The following SVIL variants were observed in gnomAD, a reference collection of about 807,000 sequenced individuals.
SVIL encodes archvillin.
Under a neutral mutation model 240.4 loss-of-function variants are expected in SVIL, and 101 were observed. That is an observed-to-expected ratio of 0.42 (90% CI 0.36 to 0.50). SVIL has a LOEUF of 0.50. Among genes scored for constraint, SVIL ranks in the 20% least tolerant of loss-of-function variants. SVIL has a pLI of 0.01. For missense variants in SVIL, 2,512 were observed against 2,818.7 expected (o/e 0.89, Z 2.46); for synonymous variants, 999 against 1,100.0 (o/e 0.91, Z 1.82).
At chr10:29,591,148 C>T (rs796468782) in intron 1 of SVIL, among the ~76,000 whole-genome samples, 1 of 152,174 alleles carries the variant, frequency 6.6e-6, no homozygotes, top group African/African-American at 2.4e-5. Flanking sequence ...ATGTTTCACA[C>T]ACTTATTGGC....
At chr10:29,538,597 C>T (rs1373736521) in intron 6 of SVIL, among the ~76,000 whole-genome samples, 2 of 152,190 alleles carry the variant, frequency 1.3e-5, no homozygotes, top group Admixed American at 1.3e-4. Context: ...AGTGAGCCGC[C>T]GCTCCCAGAT....
chr10:29,474,524 G>GT (rs908852525), intron 29 of SVIL, among the ~76,000 whole-genome samples: 7 of 152,010 alleles, frequency 4.6e-5, no homozygotes, highest in Non-Finnish European at 1.0e-4. Context: ...GAGCCCAGGA[G>GT]TTTGAGACCG....
chr10:29,716,605 A>G (rs7101204), intron 1 of SVIL, among the ~76,000 whole-genome samples: 29,486 of 152,170 alleles, frequency 0.19, 3,560 homozygotes, highest in African/African-American at 0.35. Flanking sequence ...CAAAAACATA[A>G]TGAATTTGAT....
rs935855865 is a variant in SVIL at position 29,537,477 on chromosome 10, C to T, written c.828-1408G>A. On this transcript the variant is annotated intron_variant, in intron 6 of 37. Coordinates refer to ENST00000355867, the MANE Select transcript of SVIL (RefSeq NM_021738.3). ...GAGAAACATCATGGGTAAGGACAACCTTGTTTTAACAACATAAAGCAAGTC... is the reference window on the plus strand; with the variant it reads ...GAGAAACATCATGGGTAAGGACAACTTTGTTTTAACAACATAAAGCAAGTC... 3.9e-5 allele frequency among the ~76,000 whole-genome samples: 6 copies of T among 152,154 alleles called. No homozygotes were observed. In the East Asian group the frequency reaches 1.2e-3, roughly 29 times the overall value.
At chr10:29,564,441 G>A (rs1954790470) in intron 2 of SVIL, among the ~76,000 whole-genome samples, 1 of 152,136 alleles carries the variant, frequency 6.6e-6, no homozygotes, top group Non-Finnish European at 1.5e-5. Context: ...CAAACCTGTG[G>A]AAAGAGGGAA....
chr10:29,504,217 G>A (rs1331379045), intron 17 of SVIL, among the ~76,000 whole-genome samples: 3 of 152,086 alleles, frequency 2.0e-5, no homozygotes, highest in Admixed American at 6.5e-5. Flanking sequence ...AAGCCTAACT[G>A]TAAAAATTAA....
chr10:29,620,296 A>T (rs1957582768), intron 1 of SVIL, among the ~76,000 whole-genome samples: 1 of 152,034 alleles, frequency 6.6e-6, no homozygotes, highest in Non-Finnish European at 1.5e-5. Context: ...GGAGAGGAAA[A>T]GAGAAGGAAA....
intron 1 of SVIL, among the ~76,000 whole-genome samples, chr10:29,578,322 G>T (rs1955792217): frequency 6.6e-6 from 1 of 152,182 alleles, no homozygotes; most frequent in African/African-American, 2.4e-5. Context: ...AAATGAAGAT[G>T]AAGGCAATAA....
intron 3 of SVIL, among the ~76,000 whole-genome samples, chr10:29,647,663 T>C (rs2505916): frequency 0.25 from 36,866 of 148,472 alleles, 4,625 homozygotes; most frequent in East Asian, 0.3. Context: ...GTAGAGACAG[T>C]GAGAGAGCAG....
At chr10:29,680,985 G>C (rs1179171953) in intron 2 of SVIL, among the ~76,000 whole-genome samples, 2 of 152,126 alleles carry the variant, frequency 1.3e-5, no homozygotes, top group Non-Finnish European at 2.9e-5. Context: ...GACACTACCT[G>C]CTGGGCTTGC....
At chr10:29,588,225 C>G (rs1039643212) in intron 1 of SVIL, among the ~76,000 whole-genome samples, 1 of 151,652 alleles carries the variant, frequency 6.6e-6, no homozygotes, top group Non-Finnish European at 1.5e-5. Context: ...GGTCAAGGAG[C>G]ATGAGATAGC....
At chr10:29,465,458 G>C in intron 34 of SVIL, 137 bp downstream of exon 34, 1 of 1,083,638 alleles carries the variant, frequency 9.2e-7, no homozygotes, top group African/African-American at 1.6e-5. Flanking sequence ...TGAAAAGAGT[G>C]TAAGCACATG....
At chr10:29,501,829 A>T (rs1948922102) in intron 17 of SVIL, among the ~76,000 whole-genome samples, 1 of 152,240 alleles carries the variant, frequency 6.6e-6, no homozygotes, top group African/African-American at 2.4e-5. Context: ...TCCAAGAAAC[A>T]TCAAGTGCCA....
chr10:29,486,700 G>C, intron 24 of SVIL, 143 bp from the exon 25 acceptor site: 8 of 875,300 alleles, frequency 9.1e-6, no homozygotes, highest in Non-Finnish European at 1.4e-5. Flanking sequence ...TGGTTACTGG[G>C]TATTTTCAAT....
At chr10:29,485,020 C>T (rs563075269) in intron 26 of SVIL, among the ~76,000 whole-genome samples, 189 bp from the exon 27 acceptor site, 1 of 152,226 alleles carries the variant, frequency 6.6e-6, no homozygotes, top group Non-Finnish European at 1.5e-5. Context: ...AGCCTCTGCC[C>T]TGCGGGCACG....
chr10:29,714,081 A>C (rs1191383574), intron 1 of SVIL, among the ~76,000 whole-genome samples: 1 of 152,196 alleles, frequency 6.6e-6, no homozygotes, highest in Non-Finnish European at 1.5e-5. Context: ...GTATAGACAG[A>C]AAAATGAGGT....
chr10:29,563,823 G>C (rs1325563734), intron 2 of SVIL, among the ~76,000 whole-genome samples: 1 of 152,172 alleles, frequency 6.6e-6, no homozygotes, highest in Non-Finnish European at 1.5e-5. Flanking sequence ...AATGAAAGAG[G>C]AGAATAATAA....
At position 29,735,545 on chromosome 10, in the gene SVIL, C is replaced by T. The variant is rs1964855312; in HGVS notation, c.-400+206G>A. Reference sequence around the variant, plus strand: ...GGACCCCGCGGGCCGAGCGCAGCGCCCCGTCGCAGCGGCCCGGGCACCCGC... The same window carrying T: ...GGACCCCGCGGGCCGAGCGCAGCGCTCCGTCGCAGCGGCCCGGGCACCCGC... On this transcript the variant is annotated intron_variant, in intron 1 of 35. Transcript: ENST00000375400. This position sits in a 1 kb window ranked among gnomAD's most constrained non-coding sequence, Gnocchi z 4.1. Among the ~76,000 whole-genome samples the T allele has an allele frequency of 6.7e-6, 1 of 150,364 alleles. No homozygotes were observed. The highest frequency in any genetic ancestry group is 1.5e-5 in the Non-Finnish European group (1 of 67,352).
intron 1 of SVIL, among the ~76,000 whole-genome samples, chr10:29,689,410 G>A (rs191468448): frequency 2.4e-4 from 37 of 152,136 alleles, no homozygotes; most frequent in African/African-American, 7.2e-4. Flanking sequence ...TCAGCTTCCC[G>A]AGTAGTGGGG....
Sources: allele counts gnomAD v4.1 joint callset (sites outside exome capture counted in the v4.1 genomes callset), GRCh38; gene constraint gnomAD v4.1.1; non-coding constraint Gnocchi (gnomAD v3.1); transcripts MANE v1.5; gene names NCBI Gene and HGNC (gene_info 2026-07-23, HGNC 2026-07-21).